The following ADGRB3 variants were observed in gnomAD, a reference collection of about 807,000 sequenced individuals.
ADGRB3 encodes adhesion G protein-coupled receptor B3.
ADGRB3 carries 37 observed loss-of-function variants against 193.4 expected under a neutral mutation model. The observed-to-expected ratio is 0.19, with a 90% confidence interval of 0.15 to 0.25. The LOEUF is 0.25. ADGRB3 is among the 10% of genes least tolerant of loss of function. ADGRB3 has a pLI of 1.00. For synonymous variants in ADGRB3, 690 were observed against 644.2 expected (o/e 1.07, Z -1.08); for missense variants, 1,637 against 1,852.9 (o/e 0.88, Z 2.14).
At chr6:68,661,387 A>G (rs912973163) in intron 3 of ADGRB3, among the ~76,000 whole-genome samples, 3 of 96,372 alleles carry the variant, frequency 3.1e-5, no homozygotes, top group Middle Eastern at 4.6e-3. Flanking sequence ...ATACATATAT[A>G]TATGTGTGTA....
intron 17 of ADGRB3, among the ~76,000 whole-genome samples, chr6:69,129,489 A>C (rs1773945949): frequency 6.6e-6 from 1 of 152,132 alleles, no homozygotes; most frequent in African/African-American, 2.4e-5. Context: ...GCTTAAAAAA[A>C]CATAAGAACA....
intron 20 of ADGRB3, among the ~76,000 whole-genome samples, chr6:69,280,325 C>T (rs191932535): frequency 4.6e-5 from 7 of 152,232 alleles, no homozygotes; most frequent in East Asian, 3.9e-4. Flanking sequence ...TCACCCCCAA[C>T]CTATTGTGGA....
At chr6:68,687,924 TCACTAAGGTA>T (rs1311310538) in intron 3 of ADGRB3, among the ~76,000 whole-genome samples, 2 of 152,214 alleles carry the variant, frequency 1.3e-5, no homozygotes, top group Non-Finnish European at 2.9e-5. Context: ...GGTACATTAG[TCACTAAGGTA>T]CACTAGGTTT....
intron 20 of ADGRB3, among the ~76,000 whole-genome samples, chr6:69,272,028 G>A (rs934226629): frequency 2.0e-5 from 3 of 151,890 alleles, no homozygotes; most frequent in Non-Finnish European, 2.9e-5. Flanking sequence ...ACACATTAGG[G>A]CAAAAAATAG....
intron 24 of ADGRB3, among the ~76,000 whole-genome samples, chr6:69,335,348 A>G (rs939636277): frequency 6.6e-6 from 1 of 152,114 alleles, no homozygotes; most frequent in Non-Finnish European, 1.5e-5. Context: ...TATTCTTAGA[A>G]GTTACTTATG....
At chr6:69,173,726 T>C (rs1775350744) in intron 17 of ADGRB3, among the ~76,000 whole-genome samples, 1 of 152,064 alleles carries the variant, frequency 6.6e-6, no homozygotes, top group African/African-American at 2.4e-5. Flanking sequence ...CTAGAGGGAA[T>C]GGAAGAATGA....
chr6:69,299,812 G>T (rs1431518959), intron 20 of ADGRB3, among the ~76,000 whole-genome samples: 1 of 151,780 alleles, frequency 6.6e-6, no homozygotes, highest in South Asian at 2.1e-4. Context: ...AAGTCAGGTA[G>T]CATGATACCT....
intron 10 of ADGRB3, among the ~76,000 whole-genome samples, chr6:68,993,277 T>G (rs533267131): frequency 2.4e-4 from 37 of 152,250 alleles, no homozygotes; most frequent in Non-Finnish European, 4.4e-4. Flanking sequence ...TTTAAGTAAA[T>G]TTGTGCTGCT....
intron 3 of ADGRB3, among the ~76,000 whole-genome samples, chr6:68,735,398 A>G (rs980057456): frequency 6.6e-6 from 1 of 152,020 alleles, no homozygotes; most frequent in African/African-American, 2.4e-5. Context: ...ATTAAATTGA[A>G]TTAGAATTAT....
chr6:69,240,216 C>T (rs779458), intron 20 of ADGRB3, among the ~76,000 whole-genome samples: 76,434 of 151,844 alleles, frequency 0.5, 21,025 homozygotes, highest in African/African-American at 0.72. Context: ...ATTCTAGGTC[C>T]GGGTAGGACC....
intron 20 of ADGRB3, among the ~76,000 whole-genome samples, chr6:69,318,853 G>A (rs1043794655): frequency 2.5e-5 from 3 of 121,384 alleles, no homozygotes; most frequent in African/African-American, 4.0e-5. Context: ...TATATAATAT[G>A]TATAACTGTA....
intron 16 of ADGRB3, 65 bp from the exon 17 acceptor site, chr6:69,075,930 T>C (rs934744155): frequency 8.3e-7 from 1 of 1,209,636 alleles, no homozygotes; most frequent in Non-Finnish European, 1.2e-6. Flanking sequence ...CTATTTCACA[T>C]AATCCCTCAA....
intron 20 of ADGRB3, among the ~76,000 whole-genome samples, chr6:69,300,316 C>A (rs999299681): frequency 1.3e-5 from 2 of 151,472 alleles, no homozygotes; most frequent in Non-Finnish European, 3.0e-5. Flanking sequence ...GGAACATAGT[C>A]CAACACAATA....
chr6:68,910,838 G>A (rs1465482108), intron 3 of ADGRB3, among the ~76,000 whole-genome samples: 34 of 152,246 alleles, frequency 2.2e-4, no homozygotes, highest in East Asian at 3.9e-4. Flanking sequence ...GTCAAGTAGC[G>A]TGATGCCTCC....
chr6:69,268,075 A>G (rs1357873888), intron 20 of ADGRB3, among the ~76,000 whole-genome samples: 2 of 152,208 alleles, frequency 1.3e-5, no homozygotes, highest in East Asian at 1.9e-4. Context: ...GAAGAAACCT[A>G]GAAAAATTCA....
chr6:68,646,639 T>G (rs1302737477), intron 3 of ADGRB3, among the ~76,000 whole-genome samples: 1 of 152,212 alleles, frequency 6.6e-6, no homozygotes, highest in Non-Finnish European at 1.5e-5. Flanking sequence ...ATAAAACTTG[T>G]GTATACAGGA....
intron 24 of ADGRB3, 101 bp downstream of exon 24, chr6:69,333,109 T>A: frequency 1.2e-6 from 1 of 860,520 alleles, no homozygotes; most frequent in East Asian, 2.8e-5. Flanking sequence ...TTGAATTTTG[T>A]TATTGATGTA....
chr6:68,889,507 ATT>A (rs10535990), intron 3 of ADGRB3, among the ~76,000 whole-genome samples: 104,159 of 141,942 alleles, frequency 0.73, 38,288 homozygotes, highest in African/African-American at 0.79. Context: ...TTTCTCTTTT[ATT>A]TTTTTTTTTT....
At chr6:68,803,939 A>AT (rs2127372283) in intron 3 of ADGRB3, among the ~76,000 whole-genome samples, 1 of 152,282 alleles carries the variant, frequency 6.6e-6, no homozygotes, top group East Asian at 1.9e-4. Flanking sequence ...ATTCAATACC[A>AT]TTGAACATTT....
Sources: gnomAD v4.1 joint callset for allele counts (sites outside exome capture counted in the v4.1 genomes callset) on GRCh38, gnomAD v4.1.1 for gene constraint, MANE v1.5 for transcripts, NCBI Gene and HGNC (gene_info 2026-07-23, HGNC 2026-07-21) for gene names.